ARRB1: variants seen among roughly 807,000 people sequenced by gnomAD.
The protein encoded by ARRB1 is arrestin beta 1, also known as beta-arrestin-1.
In ARRB1, 21 loss-of-function variants were observed where a neutral mutation model predicts 56.8. The observed-to-expected ratio is 0.37, with a 90% CI of 0.26 to 0.53. ARRB1 has a LOEUF of 0.53. Among genes scored for constraint, ARRB1 ranks in the 20% least tolerant of loss-of-function variants. The pLI is 0.88. For missense variants in ARRB1, 424 were observed against 553.7 expected (o/e 0.77, Z 2.35); for synonymous variants, 210 against 218.6 (o/e 0.96, Z 0.35).
chr11:75,350,346 A>G, intron 1 of ARRB1, among the ~76,000 whole-genome samples: 1 of 152,310 alleles, frequency 6.6e-6, no homozygotes, highest in Non-Finnish European at 1.5e-5. Context: ...CTTAATAATA[A>G]ATGGAAACGA....
At chr11:75,304,729 C>T (rs1946982844) in intron 1 of ARRB1, among the ~76,000 whole-genome samples, 1 of 151,514 alleles carries the variant, frequency 6.6e-6, no homozygotes, top group South Asian at 2.1e-4. Context: ...CCCCCAAACC[C>T]CCCGCAAAGG....
intron 1 of ARRB1, chr11:75,312,019 G>T (rs1947172672): frequency 7.8e-7 from 1 of 1,286,668 alleles, no homozygotes; most frequent in Non-Finnish European, 1.0e-6. Flanking sequence ...GCCCAGATCG[G>T]AGGCCCTGCC....
At chr11:75,322,860 C>A (rs1360472948) in intron 1 of ARRB1, among the ~76,000 whole-genome samples, 1 of 152,152 alleles carries the variant, frequency 6.6e-6, no homozygotes. Flanking sequence ...AGATGGGAAA[C>A]CTCTCAGGGT....
At chr11:75,277,320 A>C in intron 9 of ARRB1, 44 bp downstream of exon 9, 1 of 1,580,332 alleles carries the variant, frequency 6.3e-7, no homozygotes, top group Non-Finnish European at 8.7e-7. Flanking sequence ...CCTTGGGAAG[A>C]TTGCCTCTCG....
intron 1 of ARRB1, chr11:75,306,788 G>T: frequency 1.4e-6 from 1 of 735,066 alleles, no homozygotes; most frequent in Non-Finnish European, 1.9e-6. Context: ...TCCTCCTCCG[G>T]GCTTCTCGGG....
At chr11:75,336,794 C>T (rs73492824) in intron 1 of ARRB1, among the ~76,000 whole-genome samples, 212 of 152,298 alleles carry the variant, frequency 1.4e-3, no homozygotes, top group African/African-American at 5.0e-3. Flanking sequence ...ACCTGTTCAG[C>T]CCCTCACACA....
chr11:75,298,861 T>C (rs1220016055), intron 1 of ARRB1, among the ~76,000 whole-genome samples: 1 of 151,874 alleles, frequency 6.6e-6, no homozygotes, highest in Non-Finnish European at 1.5e-5. Flanking sequence ...TAAAATGGGA[T>C]GAAGTACTGA....
Position 75,262,805 on chromosome 11 carries a change from C to T in ARRB1, c.*3358G>A, listed in dbSNP as rs1945826627. On this transcript the variant is annotated 3_prime_UTR_variant, in exon 16 of 16. Coordinates refer to ENST00000420843, the MANE Select transcript of ARRB1 (RefSeq NM_004041.5). ...GACTTCCAGGACAGAGTTCCTTTCACTGCACCATGTAGGAACCAGCTTGTC... is the reference window on the plus strand; with the variant it reads ...GACTTCCAGGACAGAGTTCCTTTCATTGCACCATGTAGGAACCAGCTTGTC... Among the ~76,000 whole-genome samples, 1 of 152,182 alleles carries T rather than the reference C, an allele frequency of 6.6e-6. No homozygotes were observed. Among genetic ancestry groups the T allele is most frequent in the South Asian group, 2.1e-4 (1 of 4,828 alleles).
chr11:75,343,864 G>A (rs534500983), intron 1 of ARRB1, among the ~76,000 whole-genome samples: 62 of 152,010 alleles, frequency 4.1e-4, no homozygotes, highest in Middle Eastern at 3.4e-3. Context: ...CGCCCAGGCT[G>A]GAGTGCAGTG....
intron 3 of ARRB1, among the ~76,000 whole-genome samples, chr11:75,286,275 T>A (rs2140432032): frequency 7.3e-6 from 1 of 136,472 alleles, no homozygotes; most frequent in African/African-American, 2.8e-5. Context: ...TTTTTTTTTT[T>A]TTTTTTTTTT....
intron 14 of ARRB1, 82 bp downstream of exon 14, chr11:75,268,807 G>A (rs1283516023): frequency 1.3e-5 from 19 of 1,491,154 alleles, no homozygotes; most frequent in East Asian, 2.3e-5. Flanking sequence ...GGCTGAGGGC[G>A]AACCCGGGGC....
chr11:75,281,193 AG>A, intron 6 of ARRB1, 51 bp from the exon 7 acceptor site: 2 of 1,523,308 alleles, frequency 1.3e-6, no homozygotes, highest in Non-Finnish European at 1.8e-6. Flanking sequence ...CAGGGTCCCC[AG>A]TACACAGCCA....
intron 5 of ARRB1, chr11:75,282,274 T>C: frequency 2.3e-6 from 1 of 442,066 alleles, no homozygotes. Flanking sequence ...TGATGTCTAC[T>C]GTGGTTGGCA....
intron 1 of ARRB1, among the ~76,000 whole-genome samples, chr11:75,339,608 A>G (rs771398026): frequency 4.6e-5 from 7 of 152,294 alleles, no homozygotes; most frequent in South Asian, 2.1e-4. Flanking sequence ...GTGAGTCCCT[A>G]CTTCTGGGGA....
intron 1 of ARRB1, among the ~76,000 whole-genome samples, chr11:75,321,588 T>G (rs1025206228): frequency 1.3e-5 from 2 of 152,156 alleles, no homozygotes; most frequent in Non-Finnish European, 2.9e-5. Context: ...TTTCATTCAC[T>G]TTTTTATCCT....
At chr11:75,296,059 G>A (rs772349225) in intron 1 of ARRB1, among the ~76,000 whole-genome samples, 1 of 151,880 alleles carries the variant, frequency 6.6e-6, no homozygotes, top group Non-Finnish European at 1.5e-5. Flanking sequence ...GGTGGCACAT[G>A]CCTGTAATCC....
intron 13 of ARRB1, among the ~76,000 whole-genome samples, chr11:75,270,261 C>T (rs1242288764): frequency 6.6e-6 from 1 of 151,510 alleles, no homozygotes; most frequent in Non-Finnish European, 1.5e-5. Flanking sequence ...CGGGCAGATC[C>T]CTTGAGCTCA....
chr11:75,287,305 A>G lies in ARRB1; in HGVS notation c.112+10T>C, dbSNP rs1380091945. 2 of 1,552,322 alleles carry G rather than the reference A, an allele frequency of 1.3e-6. No homozygotes were observed. The highest frequency in any genetic ancestry group is 1.7e-6 in the Non-Finnish European group (2 of 1,147,254). The stretch of plus-strand genomic sequence containing the variant: ...TCCCCCAGCCCTCCTCTCGCCCTCC[A>G]GGGACTCACCCACAGGGTCCACGAG... On this transcript the variant is annotated intron_variant, in intron 3 of 15. Transcript: ENST00000420843.
chr11:75,296,561 C>T (rs1033610441), intron 1 of ARRB1, among the ~76,000 whole-genome samples: 1 of 152,202 alleles, frequency 6.6e-6, no homozygotes, highest in Non-Finnish European at 1.5e-5. Flanking sequence ...CCCAGTGTCC[C>T]TTTGTGCCTG....
Sources: allele counts gnomAD v4.1 joint callset (sites outside exome capture counted in the v4.1 genomes callset), GRCh38; gene constraint gnomAD v4.1.1; transcripts MANE v1.5; gene names NCBI Gene and HGNC (gene_info 2026-07-23, HGNC 2026-07-21).